ARFGEF1: variants seen among roughly 807,000 people sequenced by gnomAD.
ARFGEF1 encodes brefeldin A-inhibited guanine nucleotide-exchange protein 1.
ARFGEF1 carries 42 observed loss-of-function variants against 231.0 expected under a neutral mutation model. The observed-to-expected ratio is 0.18, with a 90% CI of 0.14 to 0.24. The LOEUF (loss-of-function observed/expected upper bound fraction) is 0.24, where lower values mean the gene tolerates loss of function less well. Among genes scored for constraint, ARFGEF1 ranks in the 10% least tolerant of loss-of-function variants. The pLI is 1.00. For missense variants in ARFGEF1, 1,345 were observed against 2,192.0 expected, an observed-to-expected ratio of 0.61 and a Z score of 7.72; for synonymous variants, 710 against 732.3, an observed-to-expected ratio of 0.97 and a Z score of 0.49.
At chr8:67,192,517 T>C (rs1337274336) in intron 5 of ARFGEF1, among the ~76,000 whole-genome samples, 2 of 152,248 alleles carry the variant, frequency 1.3e-5, no homozygotes, top group African/African-American at 4.8e-5. Flanking sequence ...GATGGTGTTC[T>C]TTGAAGCACA....
chr8:67,264,010 T>G (rs1464548318), intron 14 of ARFGEF1, among the ~76,000 whole-genome samples: 3 of 152,032 alleles, frequency 2.0e-5, no homozygotes, highest in Admixed American at 2.0e-4. Flanking sequence ...AGTTCTGCAT[T>G]GTTGGAAAGT....
chr8:67,272,447 T>TGA (rs1157905506), intron 9 of ARFGEF1, among the ~76,000 whole-genome samples: 1 of 151,938 alleles, frequency 6.6e-6, no homozygotes, highest in Admixed American at 6.6e-5. Context: ...ATTACAGGCA[T>TGA]GAGCCACCGC....
At chr8:67,325,334 C>G (rs909952622) in intron 1 of ARFGEF1, among the ~76,000 whole-genome samples, 1 of 151,842 alleles carries the variant, frequency 6.6e-6, no homozygotes, top group Admixed American at 6.6e-5. Flanking sequence ...CACATTATTC[C>G]TAAGGGCAAA....
chr8:67,209,419 A>G (rs942022514), intron 34 of ARFGEF1, among the ~76,000 whole-genome samples: 1 of 151,668 alleles, frequency 6.6e-6, no homozygotes, highest in Non-Finnish European at 1.5e-5. Context: ...GGGGCTGGGG[A>G]AGAGGAGAAG....
chr8:67,252,959 A>C (rs929022343), intron 18 of ARFGEF1, among the ~76,000 whole-genome samples: 3 of 152,214 alleles, frequency 2.0e-5, no homozygotes, highest in African/African-American at 7.2e-5. Context: ...CAAGGGTTGA[A>C]GCCTGACTAT....
rs894898310 is a variant in ARFGEF1, at chr8:67,343,652, G to A, written c.-365C>T. The A allele has an allele frequency of 5.0e-6, 5 of 1,006,624 alleles. No individual in the cohort carries two copies. Among genetic ancestry groups the A allele is most frequent in the African/African-American group, 3.4e-5 (2 of 58,094 alleles). 62.4% of individuals were successfully genotyped at this position (1,006,624 alleles called of 1,614,324 possible). On this transcript the variant is annotated 5_prime_UTR_variant, in exon 1 of 39. Coordinates refer to ENST00000262215, the MANE Select transcript of ARFGEF1 (RefSeq NM_006421.5). ...TGTCTGCCGGGAACTGAGGGACGAG[G>A]TGGCGGCGGCTCTCAGAGGCACCGC...
At chr8:67,196,522 G>T (rs867752715), downstream of ARFGEF1, among the ~76,000 whole-genome samples, 1 of 152,174 alleles carries the variant, frequency 6.6e-6, no homozygotes, top group Non-Finnish European at 1.5e-5. Context: ...CCCAGGCACT[G>T]CTTCTCTCTC....
At chr8:67,241,653 G>C (rs1312698378) in intron 19 of ARFGEF1, among the ~76,000 whole-genome samples, 1 of 152,042 alleles carries the variant, frequency 6.6e-6, no homozygotes, top group African/African-American at 2.4e-5. Flanking sequence ...GCAGGAACAA[G>C]AGGGCCAAAA....
At chr8:67,229,588 G>C (rs1020243862) in intron 23 of ARFGEF1, among the ~76,000 whole-genome samples, 4 of 152,026 alleles carry the variant, frequency 2.6e-5, no homozygotes, top group African/African-American at 9.7e-5. Flanking sequence ...AACACAATCT[G>C]AGGGAAAAAT....
At chr8:67,337,128 CA>C (rs1160016610) in intron 1 of ARFGEF1, among the ~76,000 whole-genome samples, 1,046 of 54,928 alleles carry the variant, frequency 0.019, 5 homozygotes, top group African/African-American at 0.031. Flanking sequence ...GACGCCGTCT[CA>C]AAAAAAAAAA....
chr8:67,290,650 T>C (rs560131269), intron 6 of ARFGEF1, among the ~76,000 whole-genome samples: 5 of 152,264 alleles, frequency 3.3e-5, no homozygotes, highest in South Asian at 4.1e-4. Flanking sequence ...GCTAAATGCA[T>C]AGATATATAA....
At chr8:67,256,657 A>C (rs928266762) in intron 17 of ARFGEF1, among the ~76,000 whole-genome samples, 1 of 152,200 alleles carries the variant, frequency 6.6e-6, no homozygotes, top group Non-Finnish European at 1.5e-5. Context: ...ATAATTTATA[A>C]ATGTAATTTT....
chr8:67,262,005 G>A (rs1043272672), intron 14 of ARFGEF1, among the ~76,000 whole-genome samples: 1 of 151,994 alleles, frequency 6.6e-6, no homozygotes, highest in African/African-American at 2.4e-5. Context: ...CTTAAAAGCT[G>A]CCATGTAGAG....
intron 1 of ARFGEF1, among the ~76,000 whole-genome samples, chr8:67,336,910 C>CACA (rs903426257): frequency 6.6e-6 from 1 of 152,006 alleles, no homozygotes; most frequent in Admixed American, 6.6e-5. Flanking sequence ...GCAGGAGGAT[C>CACA]ACAAGGTCAG....
rs776266416 is a variant in ARFGEF1, at chr8:67,228,268, G to A, written c.3381-4C>T. The A allele has an allele frequency of 1.9e-6, 3 of 1,605,664 alleles. No homozygotes were observed. In the African/African-American group the frequency reaches 4.0e-5, roughly 22 times the overall value. On this transcript the variant is annotated splice_region_variant and splice_polypyrimidine_tract_variant and intron_variant, in intron 23 of 38. Coordinates refer to ENST00000262215, the MANE Select transcript of ARFGEF1 (RefSeq NM_006421.5). ...CCTTGTAGATCCTGTGAATATTCTAGGGAAAATAAAACACAATTTAAAAAA... is the reference window on the plus strand; with the variant it reads ...CCTTGTAGATCCTGTGAATATTCTAAGGAAAATAAAACACAATTTAAAAAA...
chr8:67,290,068 T>C (rs532328904), intron 6 of ARFGEF1, among the ~76,000 whole-genome samples: 1 of 152,308 alleles, frequency 6.6e-6, no homozygotes, highest in Admixed American at 6.5e-5. Flanking sequence ...AGCTGGTAAG[T>C]GACAGAGGTG....
intron 34 of ARFGEF1, among the ~76,000 whole-genome samples, chr8:67,210,170 A>AG (rs1238610965): frequency 1.3e-5 from 2 of 148,496 alleles, no homozygotes; most frequent in South Asian, 2.2e-4. Context: ...AAAAAAAAAA[A>AG]AAAAGAAAAA....
At chr8:67,186,873 A>C (rs1457188566) in intron 5 of ARFGEF1, among the ~76,000 whole-genome samples, 2 of 152,244 alleles carry the variant, frequency 1.3e-5, no homozygotes, top group African/African-American at 2.4e-5. Context: ...ACAATATGCC[A>C]GCAATGTACA....
intron 14 of ARFGEF1, among the ~76,000 whole-genome samples, chr8:67,265,623 G>GA (rs1804820699): frequency 6.6e-6 from 1 of 152,064 alleles, no homozygotes; most frequent in Non-Finnish European, 1.5e-5. Flanking sequence ...AAGCCAGCTG[G>GA]AAAAAATGTA....
Sources: gnomAD v4.1 joint callset for allele counts (sites outside exome capture counted in the v4.1 genomes callset) on GRCh38, gnomAD v4.1.1 for gene constraint, MANE v1.5 for transcripts, NCBI Gene and HGNC (gene_info 2026-07-23, HGNC 2026-07-21) for gene names.